PKIG: variants seen among roughly 807,000 people sequenced by gnomAD.
PKIG encodes the protein protein kinase (cAMP-dependent, catalytic) inhibitor gamma.
In PKIG, 1 loss-of-function variant was observed where a neutral mutation model predicts 6.8. The ratio of observed to expected loss-of-function variants is 0.15; its 90% CI spans 0.05 to 0.69. The LOEUF is 0.69. PKIG is among the 30% of genes least tolerant of loss of function. PKIG has a pLI of 0.82. For synonymous variants in PKIG, 39 were observed against 43.0 expected, an observed-to-expected ratio of 0.91 and a Z score of 0.36; for missense variants, 77 against 104.0, an observed-to-expected ratio of 0.74 and a Z score of 1.13.
At chr20:44,562,274 A>G (rs1214970944) in intron 1 of PKIG, among the ~76,000 whole-genome samples, 1 of 152,220 alleles carries the variant, frequency 6.6e-6, no homozygotes, top group Non-Finnish European at 1.5e-5. Flanking sequence ...AGGTTGATCA[A>G]GAAAAGGAAG....
Position 44,560,140 on chromosome 20 carries a change from C to T in PKIG, c.-240-22445C>T, listed in dbSNP as rs543254671. Among the ~76,000 whole-genome samples the T allele has an allele frequency of 2.6e-5, 4 of 151,648 alleles. No individual in the cohort carries two copies. In the East Asian group the frequency reaches 7.8e-4, roughly 29 times the overall value. On this transcript the variant is annotated intron_variant, in intron 1 of 4. Transcript: ENST00000372887. ...TGTTGCACACCTGTAGTTCCAGCTA[C>T]TCAGGAGGCTGAGGTGGGAGGATGG...
rs1039980138 is a variant in PKIG, at chr20:44,548,820, A to G, written c.-241+16842A>G. Among the ~76,000 whole-genome samples the G allele has an allele frequency of 2.7e-5, 4 of 148,872 alleles. No homozygotes were observed. In the East Asian group the frequency reaches 8.3e-4, roughly 31 times the overall value. ...CTCCTTAGTACTATAAAGAATTCTA[A>G]TTATGTAGGACATTCATCCAGCCAC... On this transcript the variant is annotated intron_variant, in intron 1 of 4. Transcript: ENST00000372887.
chr20:44,611,735 G>A (rs1374797335), intron 2 of PKIG, among the ~76,000 whole-genome samples: 1 of 149,428 alleles, frequency 6.7e-6, no homozygotes, highest in Admixed American at 6.6e-5. Context: ...TGGCCAGGAT[G>A]GTCTCGATCT....
chr20:44,558,652 C>T (rs1418237628), intron 1 of PKIG, among the ~76,000 whole-genome samples: 2 of 125,298 alleles, frequency 1.6e-5, no homozygotes, highest in African/African-American at 6.3e-5. Context: ...TTTTCTTTCT[C>T]CTTCCTTCCT....
chr20:44,591,693 C>T (rs2065034966), intron 2 of PKIG, among the ~76,000 whole-genome samples: 1 of 152,178 alleles, frequency 6.6e-6, no homozygotes, highest in South Asian at 2.1e-4. Flanking sequence ...TGAGCTTCAG[C>T]TTCCTTATCT....
At chr20:44,547,952 C>T (rs887325853) in intron 1 of PKIG, among the ~76,000 whole-genome samples, 1 of 151,884 alleles carries the variant, frequency 6.6e-6, no homozygotes, top group Non-Finnish European at 1.5e-5. Flanking sequence ...CTGAGGCAGG[C>T]GGATCACTGG....
chr20:44,570,781 G>A lies in PKIG; in HGVS notation c.-240-11804G>A, dbSNP rs244116. On this transcript the variant is annotated intron_variant, in intron 1 of 4. Transcript: ENST00000372887. The stretch of plus-strand genomic sequence containing the variant: ...CAAAAAAAAGTGGTGCTGTATGGAC[G>A]CTTAACAGAAAGTGACATGATAGGT... Among the ~76,000 whole-genome samples the A allele has an allele frequency of 3.2e-3, 481 of 152,296 alleles. 1 individual carries two copies. The highest frequency in any genetic ancestry group is 0.011 in the African/African-American group (448 of 41,560).
At chr20:44,600,737 C>G (rs989685325) in intron 2 of PKIG, among the ~76,000 whole-genome samples, 1 of 151,444 alleles carries the variant, frequency 6.6e-6, no homozygotes, top group African/African-American at 2.4e-5. Context: ...AAAGAATTGT[C>G]CATGGGTGGT....
intron 1 of PKIG, among the ~76,000 whole-genome samples, chr20:44,547,494 A>T (rs1460859692): frequency 6.6e-6 from 1 of 152,182 alleles, no homozygotes; most frequent in Admixed American, 6.5e-5. Flanking sequence ...GGTGGCCCAA[A>T]TACAAACCTG....
intron 1 of PKIG, among the ~76,000 whole-genome samples, chr20:44,543,834 G>A (rs1196135845): frequency 1.3e-5 from 2 of 152,050 alleles, no homozygotes; most frequent in Non-Finnish European, 2.9e-5. Context: ...AAGCCGAGGC[G>A]GGTGGATCAC....
chr20:44,562,214 C>G (rs1419531596), intron 1 of PKIG, among the ~76,000 whole-genome samples: 1 of 151,866 alleles, frequency 6.6e-6, no homozygotes, highest in African/African-American at 2.4e-5. Flanking sequence ...ATCAATGAAG[C>G]CAAAGTATGA....
chr20:44,561,596 C>T (rs1375933943), intron 1 of PKIG, among the ~76,000 whole-genome samples: 3 of 152,100 alleles, frequency 2.0e-5, no homozygotes, highest in Non-Finnish European at 4.4e-5. Flanking sequence ...GTGACAAGTT[C>T]TAATATGCAT....
At chr20:44,555,015 TAA>T (rs1403440025) in intron 1 of PKIG, among the ~76,000 whole-genome samples, 1 of 152,154 alleles carries the variant, frequency 6.6e-6, no homozygotes, top group Non-Finnish European at 1.5e-5. Context: ...TAATATCATT[TAA>T]GTGTCCTATT....
At chr20:44,532,464 A>G (rs1015624816) in intron 1 of PKIG, among the ~76,000 whole-genome samples, 2 of 152,114 alleles carry the variant, frequency 1.3e-5, no homozygotes, top group Non-Finnish European at 1.5e-5. Flanking sequence ...TATTATTACT[A>G]CTACTACAAG....
chr20:44,583,379 GC>G (rs1261526093), intron 1 of PKIG, among the ~76,000 whole-genome samples: 1 of 152,176 alleles, frequency 6.6e-6, no homozygotes, highest in African/African-American at 2.4e-5. Flanking sequence ...GGACATGTAA[GC>G]CTTTAGGCAT....
chr20:44,596,908 G>A (rs2065079963), intron 2 of PKIG, among the ~76,000 whole-genome samples: 2 of 152,174 alleles, frequency 1.3e-5, no homozygotes, highest in African/African-American at 4.8e-5. Context: ...TCAAGACCCT[G>A]AAAGTCCCCA....
chr20:44,613,587 CTGTCCACCTACTT>C (rs2065238183), intron 2 of PKIG, among the ~76,000 whole-genome samples: 2 of 152,226 alleles, frequency 1.3e-5, no homozygotes, highest in South Asian at 4.1e-4. Context: ...AACCACACTT[CTGTCCACCTACTT>C]ATTCACACCA....
At chr20:44,572,407 C>T (rs1335558684) in intron 1 of PKIG, among the ~76,000 whole-genome samples, 1 of 152,142 alleles carries the variant, frequency 6.6e-6, no homozygotes. Context: ...AATTTAATTT[C>T]TGATTCAAGC....
In PKIG at chr20:44,605,136, T is replaced by A. The variant is rs781631087; in HGVS notation, c.-23-9398T>A. Among the ~76,000 whole-genome samples the A allele has an allele frequency of 4.7e-4, 71 of 152,262 alleles. 1 individual carries two copies. The highest frequency in any genetic ancestry group is 7.2e-4 in the Admixed American group (11 of 15,296). ...AGATTCAGAAACAGGCCAGGTGCGG[T>A]GGCTCACGCCTGTAATCCCAGCACT... is the stretch of plus-strand genomic sequence containing the variant. On this transcript the variant is annotated intron_variant, in intron 2 of 3. Coordinates refer to ENST00000372886, the MANE Select transcript of PKIG (RefSeq NM_001281445.2).
Sources: gnomAD v4.1 joint callset for allele counts (sites outside exome capture counted in the v4.1 genomes callset) on GRCh38, gnomAD v4.1.1 for gene constraint, MANE v1.5 for transcripts, NCBI Gene and HGNC (gene_info 2026-07-23, HGNC 2026-07-21) for gene names.